Variants in RALYL observed in about 807,000 individuals in gnomAD.
RALYL encodes the protein RNA-binding Raly-like protein.
A neutral mutation model predicts 35.1 loss-of-function variants in RALYL; 29 were observed. That is an observed-to-expected ratio of 0.83 (90% CI 0.61 to 1.13). RALYL has a LOEUF of 1.13. Among genes scored for constraint, RALYL ranks in the 50% most tolerant of loss-of-function variants. The probability of loss-of-function intolerance (pLI) is 0.00; values close to 1 mark genes in which losing one functional copy is unlikely to be tolerated. For synonymous variants in RALYL, 120 were observed against 127.6 expected (o/e 0.94, Z 0.40); for missense variants, 359 against 360.4 (o/e 1.00, Z 0.03).
rs553224570 is a variant in RALYL at position 84,804,626 on chromosome 8, A to G, written c.333-144A>G. On this transcript the variant is annotated intron_variant, in intron 3 of 8. Coordinates refer to ENST00000521268, the MANE Select transcript of RALYL (RefSeq NM_173848.7). ...GAATTAGTCCAGATTAGGTCTTAGTATATTATTTATAGCTTTTTACTGGTG... is the reference window on the plus strand; with the variant it reads ...GAATTAGTCCAGATTAGGTCTTAGTGTATTATTTATAGCTTTTTACTGGTG... 5 of 286,504 alleles carry G rather than the reference A, an allele frequency of 1.7e-5. No homozygotes were observed. In the South Asian group the frequency reaches 4.9e-4, roughly 28 times the overall value. 17.7% of individuals were successfully genotyped at this position (286,504 alleles called of 1,614,324 possible).
intron 2 of RALYL, among the ~76,000 whole-genome samples, chr8:84,603,219 G>A (rs905847844): frequency 6.6e-6 from 1 of 151,952 alleles, no homozygotes; most frequent in African/African-American, 2.4e-5. Context: ...GAGAAAGGTG[G>A]TGTTAAAATG....
intron 1 of RALYL, among the ~76,000 whole-genome samples, chr8:84,427,690 C>T (rs2046650820): frequency 6.6e-6 from 1 of 152,152 alleles, no homozygotes; most frequent in Non-Finnish European, 1.5e-5. Flanking sequence ...GTTTCTTTTG[C>T]TCAGAATATC....
chr8:84,902,269 A>C (rs778553846), intron 8 of RALYL, among the ~76,000 whole-genome samples: 5 of 152,242 alleles, frequency 3.3e-5, no homozygotes, highest in Non-Finnish European at 4.4e-5. Context: ...ACATGACCAG[A>C]GCAGGAGCAA....
intron 1 of RALYL, among the ~76,000 whole-genome samples, chr8:84,195,262 C>T (rs1178459376): frequency 1.3e-5 from 2 of 151,738 alleles, no homozygotes; most frequent in African/African-American, 4.8e-5. Context: ...GGTGTGAAAC[C>T]CCATCCATCT....
chr8:84,425,533 G>A (rs1230270459), intron 1 of RALYL, among the ~76,000 whole-genome samples: 1 of 152,240 alleles, frequency 6.6e-6, no homozygotes, highest in Non-Finnish European at 1.5e-5. Context: ...GCTGGGAGCT[G>A]TAGACTGGAG....
At chr8:84,633,670 T>A (rs1463022083) in intron 2 of RALYL, among the ~76,000 whole-genome samples, 2 of 151,874 alleles carry the variant, frequency 1.3e-5, no homozygotes, top group Non-Finnish European at 2.9e-5. Flanking sequence ...AAATTACATA[T>A]GACATTTGGG....
In RALYL at chr8:84,418,968, A is replaced by G. The variant is rs529003663; in HGVS notation, c.-23-110331A>G. On this transcript the variant is annotated intron_variant, in intron 1 of 8. Transcript: ENST00000521268. ...AAGTATCTCCCTAATAATTCCCAAC[A>G]TTTTCTTGTCCCAACTGCAGCCTAG... 1.3e-4 allele frequency among the ~76,000 whole-genome samples: 19 copies of G among 151,806 alleles called. No homozygotes were observed. In the East Asian group the frequency reaches 3.3e-3, roughly 26 times the overall value.
intron 1 of RALYL, among the ~76,000 whole-genome samples, chr8:84,487,331 T>C (rs919343332): frequency 6.6e-6 from 1 of 152,092 alleles, no homozygotes; most frequent in African/African-American, 2.4e-5. Context: ...CCACCTTTGG[T>C]AGGCCACTGA....
intron 2 of RALYL, among the ~76,000 whole-genome samples, chr8:84,751,218 T>A (rs79306215): frequency 6.6e-6 from 1 of 150,742 alleles, no homozygotes; most frequent in African/African-American, 2.4e-5. Flanking sequence ...TGGTTTATGC[T>A]TTTTTTTTAG....
At chr8:84,783,580 A>G (rs1014563412) in intron 3 of RALYL, among the ~76,000 whole-genome samples, 1 of 152,168 alleles carries the variant, frequency 6.6e-6, no homozygotes, top group Non-Finnish European at 1.5e-5. Flanking sequence ...AAGAAAAACA[A>G]ACTTTTCATA....
At chr8:84,414,556 T>G (rs1222511301) in intron 1 of RALYL, among the ~76,000 whole-genome samples, 1 of 152,198 alleles carries the variant, frequency 6.6e-6, no homozygotes, top group Non-Finnish European at 1.5e-5. Flanking sequence ...ACTTCTAAGA[T>G]AAATGATTTC....
chr8:84,659,493 G>C (rs1179773194), intron 2 of RALYL, among the ~76,000 whole-genome samples: 1 of 151,888 alleles, frequency 6.6e-6, no homozygotes, highest in Non-Finnish European at 1.5e-5. Flanking sequence ...ATAAAGAAAG[G>C]TAGCTTGTTG....
chr8:84,762,125 A>C (rs796223009), intron 2 of RALYL, among the ~76,000 whole-genome samples: 6 of 152,252 alleles, frequency 3.9e-5, no homozygotes, highest in African/African-American at 1.4e-4. Context: ...GGGCAGTAGC[A>C]GGATATGAGA....
chr8:84,770,266 G>T (rs1815106658), intron 2 of RALYL, among the ~76,000 whole-genome samples: 1 of 151,908 alleles, frequency 6.6e-6, no homozygotes, highest in Non-Finnish European at 1.5e-5. Context: ...CCATAGCTTA[G>T]CTCCCACTTA....
intron 1 of RALYL, among the ~76,000 whole-genome samples, chr8:84,291,038 C>T (rs1838683162): frequency 6.6e-6 from 1 of 152,050 alleles, no homozygotes. Context: ...CTAAAATAAA[C>T]ACTATTCTAT....
intron 4 of RALYL, among the ~76,000 whole-genome samples, chr8:84,816,365 T>C (rs1457414570): frequency 6.6e-6 from 1 of 152,230 alleles, no homozygotes; most frequent in East Asian, 1.9e-4. Flanking sequence ...CAGCATGAAG[T>C]TGAACTTTTA....
At chr8:84,389,854 G>C (rs1195660493) in intron 1 of RALYL, among the ~76,000 whole-genome samples, 2 of 150,804 alleles carry the variant, frequency 1.3e-5, no homozygotes, top group Admixed American at 1.3e-4. Flanking sequence ...CTGCCTAATT[G>C]CCCTGGCCAG....
At chr8:84,314,760 A>T (rs113898414) in intron 1 of RALYL, among the ~76,000 whole-genome samples, 4,112 of 152,264 alleles carry the variant, frequency 0.027, 101 homozygotes, top group Non-Finnish European at 0.031. Flanking sequence ...TAAAGACAGC[A>T]TCACCATAAG....
At chr8:84,392,448 A>G (rs1860906962) in intron 1 of RALYL, among the ~76,000 whole-genome samples, 1 of 152,100 alleles carries the variant, frequency 6.6e-6, no homozygotes, top group Non-Finnish European at 1.5e-5. Flanking sequence ...ACAAAAAAAA[A>G]AATTGAATCA....
Sources: allele counts gnomAD v4.1 joint callset (sites outside exome capture counted in the v4.1 genomes callset), GRCh38; gene constraint gnomAD v4.1.1; transcripts MANE v1.5; gene names NCBI Gene and HGNC (gene_info 2026-07-23, HGNC 2026-07-21).